PVT1: variants seen among roughly 807,000 people sequenced by gnomAD.
PVT1 encodes the protein Pvt1 oncogene.
chr8:128,006,145 TAATAAA>T (rs200339899), intron 4 of PVT1, among the ~76,000 whole-genome samples: 2 of 134,388 alleles, frequency 1.5e-5, no homozygotes, highest in Admixed American at 1.5e-4. Context: ...ATAATAATAA[TAATAAA>T]AAGATAAGGG....
Position 127,911,677 on chromosome 8 carries a change from A to T in PVT1, n.782+20679A>T, listed in dbSNP as rs541447326. On this transcript the variant is annotated intron_variant and non_coding_transcript_variant, in intron 3 of 10. Transcript: ENST00000651587. Reference sequence around the variant, plus strand: ...CAGGGAAGGTCGGGAACTTGTCCAAAGGCACAGTCATAGAACTAGGGCTTA... The same window carrying T: ...CAGGGAAGGTCGGGAACTTGTCCAATGGCACAGTCATAGAACTAGGGCTTA... 2.6e-5 allele frequency among the ~76,000 whole-genome samples: 4 copies of T among 152,346 alleles called. No individual in the cohort carries two copies. In the East Asian group the frequency reaches 7.7e-4, roughly 29 times the overall value.
chr8:127,807,430 C>G (rs1281321248), intron 2 of PVT1, among the ~76,000 whole-genome samples: 1 of 152,148 alleles, frequency 6.6e-6, no homozygotes, highest in Non-Finnish European at 1.5e-5. Context: ...ACTTTCCAGG[C>G]TCAAGTGATT....
At chr8:127,850,132 G>T (rs563435812) in intron 2 of PVT1, among the ~76,000 whole-genome samples, 2 of 152,144 alleles carry the variant, frequency 1.3e-5, no homozygotes, top group Non-Finnish European at 2.9e-5. Context: ...TATGTGAGGG[G>T]AGTGAGGGAC....
chr8:127,896,375 G>T (rs1266981309), intron 3 of PVT1, among the ~76,000 whole-genome samples: 1 of 152,002 alleles, frequency 6.6e-6, no homozygotes, highest in Non-Finnish European at 1.5e-5. Context: ...TAACTTGAGT[G>T]GGCTTTTGGT....
chr8:128,072,551 C>T (rs1175208929), intron 5 of PVT1, among the ~76,000 whole-genome samples: 2 of 152,204 alleles, frequency 1.3e-5, no homozygotes, highest in Non-Finnish European at 2.9e-5. Context: ...TCAGTTTCCA[C>T]TTACACTGAC....
intron 2 of PVT1, among the ~76,000 whole-genome samples, chr8:127,853,058 A>C (rs1331243790): frequency 3.3e-5 from 5 of 152,198 alleles, no homozygotes; most frequent in Non-Finnish European, 5.9e-5. Flanking sequence ...TTTATCGAGC[A>C]TCTCCCATGG....
chr8:127,877,930 AAAC>A (rs1246606523), intron 2 of PVT1, among the ~76,000 whole-genome samples: 7 of 152,092 alleles, frequency 4.6e-5, no homozygotes, highest in East Asian at 3.9e-4. Context: ...TGTCTCAAAA[AAAC>A]AACAACCCCC....
At chr8:128,083,823 C>G (rs1342613543) in intron 5 of PVT1, among the ~76,000 whole-genome samples, 1 of 152,220 alleles carries the variant, frequency 6.6e-6, no homozygotes. Context: ...TAACCTGGGT[C>G]TCTCATTTTC....
At chr8:127,997,721 G>C (rs1027061630) in intron 4 of PVT1, among the ~76,000 whole-genome samples, 2 of 152,238 alleles carry the variant, frequency 1.3e-5, no homozygotes, top group Admixed American at 6.5e-5. Flanking sequence ...CTTTGCATTA[G>C]TGTGGCACAT....
chr8:127,854,042 T>G (rs1467699892), intron 2 of PVT1, among the ~76,000 whole-genome samples: 1 of 152,200 alleles, frequency 6.6e-6, no homozygotes, highest in East Asian at 1.9e-4. Context: ...CAAGGAGGCC[T>G]GCTGGTATCC....
chr8:127,828,205 A>C (rs1395505123), intron 2 of PVT1, among the ~76,000 whole-genome samples: 2 of 152,124 alleles, frequency 1.3e-5, no homozygotes, highest in African/African-American at 4.8e-5. Flanking sequence ...TCCTCATTTC[A>C]TTCTCAAAGT....
intron 4 of PVT1, among the ~76,000 whole-genome samples, chr8:128,013,598 C>T (rs1817339512): frequency 1.3e-5 from 2 of 152,156 alleles, no homozygotes; most frequent in South Asian, 4.1e-4. Context: ...TTGAAGAGGA[C>T]AGATGATGAC....
intron 3 of PVT1, among the ~76,000 whole-genome samples, chr8:127,976,078 T>C (rs568599650): frequency 2.0e-5 from 3 of 152,104 alleles, no homozygotes; most frequent in Non-Finnish European, 4.4e-5. Context: ...TAAGGAAGAG[T>C]GGAGCTTACA....
intron 3 of PVT1, among the ~76,000 whole-genome samples, chr8:127,935,743 G>C (rs1286760450): frequency 6.6e-6 from 1 of 151,496 alleles, no homozygotes. Context: ...ATCCCAAAGG[G>C]CCATTTTGAC....
chr8:127,903,126 A>G (rs1443775177), intron 3 of PVT1, among the ~76,000 whole-genome samples: 1 of 152,142 alleles, frequency 6.6e-6, no homozygotes, highest in African/African-American at 2.4e-5. Flanking sequence ...AATGAAAACC[A>G]TTCTGATTGG....
At chr8:127,944,926 G>A (rs1816401332) in intron 3 of PVT1, among the ~76,000 whole-genome samples, 1 of 152,170 alleles carries the variant, frequency 6.6e-6, no homozygotes, top group Non-Finnish European at 1.5e-5. Context: ...AGGCCCGATT[G>A]TAATGGGAAC....
At chr8:127,821,549 G>A (rs1450196088) in intron 2 of PVT1, among the ~76,000 whole-genome samples, 2 of 152,100 alleles carry the variant, frequency 1.3e-5, no homozygotes, top group Non-Finnish European at 2.9e-5. Context: ...GGTGGCTCAC[G>A]CCTGTAATCC....
Position 127,949,753 on chromosome 8 carries a change from G to A in PVT1, n.783-39409G>A, listed in dbSNP as rs534630618. 2.8e-3 allele frequency among the ~76,000 whole-genome samples: 420 copies of A among 152,296 alleles called. 1 individual carries two copies. The highest frequency in any genetic ancestry group is 3.7e-3 in the Non-Finnish European group (251 of 68,026). On this transcript the variant is annotated intron_variant and non_coding_transcript_variant, in intron 3 of 10. Coordinates refer to ENST00000651587, the Ensembl canonical transcript of PVT1. ...AGAGTCCCCGCCTCTTTTACGAAGC[G>A]GCTGTCATGGTTGATGGGTGAGTGT... is the stretch of plus-strand genomic sequence containing the variant.
chr8:127,897,824 GA>G lies in PVT1; in HGVS notation n.782+6830del, dbSNP rs200586616. On this transcript the variant is annotated intron_variant and non_coding_transcript_variant, in intron 3 of 10. Transcript: ENST00000651587. ...CGTGAAGAGAGAAAAGAAAAGAAAA[GA>G]AAAGAAAGAAAGAAAGAAAGAAAAG... Among the ~76,000 whole-genome samples the G allele has an allele frequency of 5.6e-4, 49 of 88,084 alleles. No individual in the cohort carries two copies. In the East Asian group the frequency reaches 0.015, roughly 27 times the overall value. 57.8% of individuals were successfully genotyped at this position (88,084 alleles called of 152,430 possible). A position where few individuals can be genotyped will look rare whatever the true frequency, so the allele number is the denominator to read the frequency against.
Sources: gnomAD v4.1 joint callset for allele counts (sites outside exome capture counted in the v4.1 genomes callset) on GRCh38, gnomAD v4.1.1 for gene constraint, MANE v1.5 for transcripts, NCBI Gene and HGNC (gene_info 2026-07-23, HGNC 2026-07-21) for gene names.